SUMF1: variants seen among roughly 807,000 people sequenced by gnomAD.
The protein encoded by SUMF1 is formylglycine-generating enzyme.
A neutral mutation model predicts 47.6 loss-of-function variants in SUMF1; 48 were observed. That is an observed-to-expected ratio of 1.01 (90% CI 0.80 to 1.28). The LOEUF (loss-of-function observed/expected upper bound fraction) is 1.28, where lower values mean the gene tolerates loss of function less well. Ranked by LOEUF, SUMF1 falls within the 50% of genes most tolerant of loss-of-function variation. The probability of loss-of-function intolerance (pLI) is 0.00; values close to 1 mark genes in which losing one functional copy is unlikely to be tolerated. For missense variants in SUMF1, 571 were observed against 485.4 expected (o/e 1.18, Z -1.66); for synonymous variants, 230 against 192.1 (o/e 1.20, Z -1.63).
At chr3:4,380,521 C>T (rs898063497) in intron 7 of SUMF1, among the ~76,000 whole-genome samples, 2 of 152,122 alleles carry the variant, frequency 1.3e-5, no homozygotes, top group African/African-American at 2.4e-5. Flanking sequence ...CAAACCCCCA[C>T]GGCCCACAAT....
At chr3:4,256,662 T>G (rs368762486) in intron 8 of SUMF1, among the ~76,000 whole-genome samples, 11,732 of 151,944 alleles carry the variant, frequency 0.077, 1,005 homozygotes, top group African/African-American at 0.21. Flanking sequence ...ACCAGATGGA[T>G]TCACAGCCAA....
At chr3:4,052,975 T>C (rs955309328) in intron 9 of SUMF1, among the ~76,000 whole-genome samples, 1 of 152,218 alleles carries the variant, frequency 6.6e-6, no homozygotes, top group African/African-American at 2.4e-5. Context: ...GACTTTTTCC[T>C]TTGCATTCAC....
intron 8 of SUMF1, among the ~76,000 whole-genome samples, chr3:4,302,924 G>A (rs942742383): frequency 6.6e-6 from 1 of 152,156 alleles, no homozygotes; most frequent in Admixed American, 6.5e-5. Context: ...CACCCTGTGA[G>A]GCTATCGCCT....
At chr3:4,388,473 G>C (rs1700744058) in intron 7 of SUMF1, among the ~76,000 whole-genome samples, 1 of 151,514 alleles carries the variant, frequency 6.6e-6, no homozygotes, top group Admixed American at 6.6e-5. Context: ...GAAGTTTCTT[G>C]TACACAGCAT....
At position 4,191,528 on chromosome 3, in the gene SUMF1, G is replaced by T. The variant is rs550856909; in HGVS notation, c.1015-122783C>A. ...AGTGACATAATCTGTTTTATATATT[G>T]AAAGGATAATTCAGGCTATGGCATG... On this transcript the variant is annotated intron_variant and NMD_transcript_variant, in intron 8 of 12. Transcript: ENST00000448413. Among the ~76,000 whole-genome samples, 26 of 152,208 alleles carry T rather than the reference G, an allele frequency of 1.7e-4. No homozygotes were observed. The South Asian group carries it at 3.7e-3, about 22-fold the overall frequency.
rs1249853821 is a variant in SUMF1, at chr3:4,449,276, A to T, written c.509T>A (p.Ile170Asn). The change falls in exon 3 of 9, where the codon ATT (isoleucine) becomes AAT (asparagine). Residue 170 changes from isoleucine to asparagine, a missense_variant. Coordinates refer to ENST00000272902, the MANE Select transcript of SUMF1 (RefSeq NM_182760.4). Reference protein sequence around the residue: ...GMLSEQVKTNIQQAVAAAPWW... With the variant: ...GMLSEQVKTNNQQAVAAAPWW... ...TGAAACATTACTTACTGCCTGTTGA[A>T]TATTGGTCTTCACTTGCTCACTCAA... 2 of 1,614,184 alleles carry T rather than the reference A, an allele frequency of 1.2e-6. No homozygotes were observed. Among genetic ancestry groups the T allele is most frequent in the Non-Finnish European group, 1.7e-6 (2 of 1,180,010 alleles).
At chr3:4,221,432 T>C (rs1224361994) in intron 8 of SUMF1, among the ~76,000 whole-genome samples, 2 of 151,674 alleles carry the variant, frequency 1.3e-5, no homozygotes, top group Admixed American at 6.6e-5. Flanking sequence ...TGTGTGTGTG[T>C]GTGTGTGTGT....
intron 8 of SUMF1, among the ~76,000 whole-genome samples, chr3:4,147,532 C>T (rs990944931): frequency 6.6e-6 from 1 of 152,078 alleles, no homozygotes; most frequent in African/African-American, 2.4e-5. Context: ...ATGCTTGGTA[C>T]CAGAGCCGAG....
chr3:4,252,642 A>G lies in SUMF1; in HGVS notation c.1014+123688T>C, dbSNP rs899267761. ...AAAACTAGGAAAGTTGAAAGTTACA[A>G]GCTCAAGCAGTTTCCATCAAACCAC... On this transcript the variant is annotated intron_variant and NMD_transcript_variant, in intron 8 of 12. Transcript: ENST00000448413. 1.1e-4 allele frequency among the ~76,000 whole-genome samples: 17 copies of G among 152,320 alleles called. No individual in the cohort carries two copies. The East Asian group carries it at 3.3e-3, about 29-fold the overall frequency.
chr3:4,387,924 T>C (rs1341989551), intron 7 of SUMF1, among the ~76,000 whole-genome samples: 3 of 152,058 alleles, frequency 2.0e-5, no homozygotes, highest in Non-Finnish European at 4.4e-5. Flanking sequence ...TCTATTGTGG[T>C]TGGAGAACAC....
chr3:4,437,853 C>T (rs1702451369), intron 3 of SUMF1, among the ~76,000 whole-genome samples: 2 of 152,076 alleles, frequency 1.3e-5, no homozygotes, highest in South Asian at 4.2e-4. Context: ...GCAGGAGAAT[C>T]TCTTAAACCC....
chr3:4,051,141 G>T lies in SUMF1; in HGVS notation c.1191+17428C>A, dbSNP rs75811658. On this transcript the variant is annotated intron_variant and NMD_transcript_variant, in intron 9 of 12. Transcript: ENST00000448413. Reference sequence around the variant, plus strand: ...AAGGCAAAAAAAAGAAAAAAAAAAAGGGTGGGGAAAGGAAAGCAGTGGAAG... The same window carrying T: ...AAGGCAAAAAAAAGAAAAAAAAAAATGGTGGGGAAAGGAAAGCAGTGGAAG... Among the ~76,000 whole-genome samples, 289 of 150,898 alleles carry T rather than the reference G, an allele frequency of 1.9e-3. 5 individuals carry two copies. The East Asian group carries it at 0.051, about 27-fold the overall frequency.
intron 2 of SUMF1, among the ~76,000 whole-genome samples, chr3:4,452,324 G>A (rs920799887): frequency 1.3e-5 from 2 of 152,170 alleles, no homozygotes; most frequent in Non-Finnish European, 2.9e-5. Flanking sequence ...GTGATTCAGT[G>A]ACCACCAGAT....
intron 8 of SUMF1, among the ~76,000 whole-genome samples, chr3:4,099,612 G>A (rs1378772616): frequency 2.0e-5 from 3 of 152,056 alleles, no homozygotes; most frequent in African/African-American, 7.3e-5. Flanking sequence ...CCTAGCCAGA[G>A]TGATTAGGCA....
chr3:4,256,794 A>G (rs1189094335), intron 8 of SUMF1, among the ~76,000 whole-genome samples: 1 of 151,484 alleles, frequency 6.6e-6, no homozygotes, highest in Admixed American at 6.6e-5. Flanking sequence ...AAAGCCGGGC[A>G]GAGACACAAC....
intron 2 of SUMF1, among the ~76,000 whole-genome samples, chr3:4,452,410 G>A (rs1703005192): frequency 6.6e-6 from 1 of 152,190 alleles, no homozygotes; most frequent in Admixed American, 6.5e-5. Flanking sequence ...ATGAAAAGCT[G>A]CACTTCTGCA....
chr3:4,417,075 G>A (rs878986318), intron 6 of SUMF1, 53 bp downstream of exon 6: 1 of 1,540,760 alleles, frequency 6.5e-7, no homozygotes, highest in South Asian at 1.1e-5. Flanking sequence ...ATGTCTACTG[G>A]GAGCCTCAGT....
intron 8 of SUMF1, among the ~76,000 whole-genome samples, chr3:4,372,868 C>G (rs1307406754): frequency 1.3e-5 from 2 of 152,202 alleles, no homozygotes; most frequent in Non-Finnish European, 2.9e-5. Context: ...CGACACTATG[C>G]TATTTTCCTA....
chr3:4,131,957 C>T (rs931972729), intron 8 of SUMF1, among the ~76,000 whole-genome samples: 4 of 152,094 alleles, frequency 2.6e-5, no homozygotes, highest in Admixed American at 6.6e-5. Flanking sequence ...TCACCAAGGC[C>T]GACCTGGCTA....
Sources: allele counts gnomAD v4.1 joint callset (sites outside exome capture counted in the v4.1 genomes callset), GRCh38; gene constraint gnomAD v4.1.1; transcripts MANE v1.5; gene names NCBI Gene and HGNC (gene_info 2026-07-23, HGNC 2026-07-21).